ENOSF1: variants seen among roughly 807,000 people sequenced by gnomAD.
The protein encoded by ENOSF1 is enolase superfamily member 1, also known as mitochondrial enolase superfamily member 1.
Under a neutral mutation model 68.2 loss-of-function variants are expected in ENOSF1, and 73 were observed. That is an observed-to-expected ratio of 1.07 (90% confidence interval 0.89 to 1.30). The LOEUF is 1.30. Among genes scored for constraint, ENOSF1 ranks in the 50% most tolerant of loss-of-function variants. The pLI is 0.00. For missense variants in ENOSF1, 589 were observed against 554.5 expected, an observed-to-expected ratio of 1.06 and a Z score of -0.62; for synonymous variants, 223 against 210.4, an observed-to-expected ratio of 1.06 and a Z score of -0.52.
chr18:678,140 T>C (rs557104543), intron 12 of ENOSF1, among the ~76,000 whole-genome samples: 2 of 152,316 alleles, frequency 1.3e-5, no homozygotes, highest in South Asian at 4.1e-4. Flanking sequence ...TATGAGGGAA[T>C]GACTGTCACA....
At chr18:699,478 A>AAATAATAATAATAATAATAATAAT (rs147506890) in intron 2 of ENOSF1, among the ~76,000 whole-genome samples, 13 of 148,998 alleles carry the variant, frequency 8.7e-5, no homozygotes, top group African/African-American at 3.0e-4. Flanking sequence ...GCCCTGTCTC[A>AAATAATAATAATAATAATAATAAT]AATAATAATA....
In ENOSF1 at chr18:683,326, T is replaced by C. The variant is rs372429260; in HGVS notation, c.796A>G (p.Lys266Glu). ...DVPEAVEWMS[K>E]LAKFKPLWIE... is the part of the protein sequence containing the mutation. ...CACAATGGCTTGAACTTGGCCAGCT[T>C]GGACATCCACTCCACCGCCTCAGGC... Residue 266 changes from lysine (K) to glutamate (E), a missense_variant, in exon 11 of 16, where the codon AAG becomes GAG. Coordinates refer to ENST00000647584, the MANE Select transcript of ENOSF1 (RefSeq NM_017512.7). 6.2e-7 allele frequency: 1 copy of C among 1,614,040 alleles called. No individual in the cohort carries two copies. The highest frequency in any genetic ancestry group is 1.3e-5 in the African/African-American group (1 of 74,920).
At chr18:693,283 T>C (rs2077387542) in intron 5 of ENOSF1, 1 of 1,272,752 alleles carries the variant, frequency 7.9e-7, no homozygotes, top group Non-Finnish European at 1.0e-6. Flanking sequence ...TACAATGGCC[T>C]GATCTTATTC....
At chr18:712,223 G>T in intron 1 of ENOSF1, 1 of 1,483,424 alleles carries the variant, frequency 6.7e-7, no homozygotes, top group Non-Finnish European at 9.1e-7. Flanking sequence ...TTGCTCCAAG[G>T]CATGAAAAGC....
At chr18:695,141 CTCTTTAG>C (rs1056155038) in intron 3 of ENOSF1, among the ~76,000 whole-genome samples, 1 of 152,082 alleles carries the variant, frequency 6.6e-6, no homozygotes, top group African/African-American at 2.4e-5. Flanking sequence ...GTCGCCATGC[CTCTTTAG>C]TCTCTTTTTA....
chr18:703,958 C>T (rs1327905634), intron 2 of ENOSF1, among the ~76,000 whole-genome samples: 1 of 152,116 alleles, frequency 6.6e-6, no homozygotes, highest in Non-Finnish European at 1.5e-5. Flanking sequence ...TCTCTTGATC[C>T]TTTCGACATA....
rs769711082 is a variant in ENOSF1, at chr18:694,240, G to A, written c.396+8C>T. 1.9e-6 allele frequency: 3 copies of A among 1,613,816 alleles called. No individual in the cohort carries two copies. The East Asian group carries it at 6.7e-5, about 36-fold the overall frequency. ...AGGAGCCTCCTGAGCGTTTGTGAGAGGGGTTACCTTTCCCTCCTGCTTGGC... is the reference window on the plus strand; with the variant it reads ...AGGAGCCTCCTGAGCGTTTGTGAGAAGGGTTACCTTTCCCTCCTGCTTGGC... On this transcript the variant is annotated splice_region_variant and intron_variant, in intron 4 of 15. Coordinates refer to ENST00000647584, the MANE Select transcript of ENOSF1 (RefSeq NM_017512.7).
chr18:698,427 T>C (rs899842612), intron 2 of ENOSF1, among the ~76,000 whole-genome samples: 1 of 152,208 alleles, frequency 6.6e-6, no homozygotes. Flanking sequence ...ACATAAACTA[T>C]TAAACATTAA....
At chr18:685,007 GCAC>G (rs1390190110) in intron 10 of ENOSF1, among the ~76,000 whole-genome samples, 1 of 138,844 alleles carries the variant, frequency 7.2e-6, no homozygotes, top group Admixed American at 7.7e-5. Context: ...TTACAGACAT[GCAC>G]CACCACACCT....
chr18:711,084 T>G (rs1023536261), intron 1 of ENOSF1, among the ~76,000 whole-genome samples: 4 of 152,066 alleles, frequency 2.6e-5, no homozygotes, highest in African/African-American at 9.7e-5. Context: ...GTGGGAGGAT[T>G]GGTTGAGTCA....
chr18:703,490 A>G (rs1290520913), intron 2 of ENOSF1, among the ~76,000 whole-genome samples: 1 of 152,214 alleles, frequency 6.6e-6, no homozygotes, highest in African/African-American at 2.4e-5. Flanking sequence ...CTCAACTTAC[A>G]AACAAGGGAC....
downstream of ENOSF1, among the ~76,000 whole-genome samples, chr18:667,992 ATTTT>A (rs60409589): frequency 7.6e-5 from 8 of 105,360 alleles, no homozygotes; most frequent in African/African-American, 1.8e-4. Context: ...ATTCACAGGA[ATTTT>A]TTTTTTTTTT....
At chr18:679,193 A>T (rs1264141897) in intron 11 of ENOSF1, among the ~76,000 whole-genome samples, 3 of 147,406 alleles carry the variant, frequency 2.0e-5, no homozygotes, top group African/African-American at 7.5e-5. Context: ...ACCTCCTTCT[A>T]GAACCCTCTC....
chr18:682,399 C>T (rs2612092), intron 11 of ENOSF1, among the ~76,000 whole-genome samples: 10,954 of 152,240 alleles, frequency 0.072, 537 homozygotes, highest in Non-Finnish European at 0.11. Context: ...TAATGCGTTG[C>T]ACCACATTAC....
chr18:701,983 A>G (rs753986168), intron 2 of ENOSF1, among the ~76,000 whole-genome samples: 1 of 151,764 alleles, frequency 6.6e-6, no homozygotes, highest in Non-Finnish European at 1.5e-5. Flanking sequence ...CAGGCCAGGC[A>G]TGGTGGCTTA....
chr18:708,202 G>A lies in ENOSF1; in HGVS notation c.85-1624C>T, dbSNP rs193096731. Reference sequence around the variant, plus strand: ...GGCAGATTTTAAATCCCTGTATTGGGGTGTCGTGGCTGAGGGAGCTGTATG... The same window carrying A: ...GGCAGATTTTAAATCCCTGTATTGGAGTGTCGTGGCTGAGGGAGCTGTATG... On this transcript the variant is annotated intron_variant, in intron 1 of 15. Transcript: ENST00000647584. 2.8e-3 allele frequency among the ~76,000 whole-genome samples: 423 copies of A among 152,198 alleles called. 1 individual carries two copies. The highest frequency in any genetic ancestry group is 4.3e-3 in the Non-Finnish European group (295 of 68,014).
intron 14 of ENOSF1, 94 bp from the exon 15 acceptor site, chr18:675,496 T>C (rs1296744303): frequency 8.4e-6 from 9 of 1,074,986 alleles, no homozygotes; most frequent in Non-Finnish European, 1.3e-5. Flanking sequence ...TACCACTCAA[T>C]TGACAGTGTT....
chr18:701,299 G>A (rs1378216495), intron 2 of ENOSF1, among the ~76,000 whole-genome samples: 1 of 152,148 alleles, frequency 6.6e-6, no homozygotes. Context: ...ATCATGATGT[G>A]CCAATGCAGG....
chr18:666,933 TG>T (rs2074834400), downstream of ENOSF1, among the ~76,000 whole-genome samples: 2 of 47,788 alleles, frequency 4.2e-5, 1 homozygote, highest in South Asian at 2.2e-3. Context: ...ATGGTGATGG[TG>T]ATGGAGATGG....
Sources: allele counts gnomAD v4.1 joint callset (sites outside exome capture counted in the v4.1 genomes callset), GRCh38; gene constraint gnomAD v4.1.1; transcripts MANE v1.5; gene names NCBI Gene and HGNC (gene_info 2026-07-23, HGNC 2026-07-21).